The following ADGRV1 variants were observed in gnomAD, a reference collection of about 807,000 sequenced individuals.
The protein encoded by ADGRV1 is adhesion G protein-coupled receptor V1, also known as G-protein coupled receptor 98.
Under a neutral mutation model 596.2 loss-of-function variants are expected in ADGRV1, and 359 were observed. The observed-to-expected ratio is 0.60, with a 90% CI of 0.55 to 0.66. ADGRV1 has a LOEUF of 0.66. ADGRV1 is among the 30% of genes least tolerant of loss of function. The pLI is 0.00. For synonymous variants in ADGRV1, 2,681 were observed against 2,679.2 expected, an observed-to-expected ratio of 1.00 and a Z score of -0.02; for missense variants, 7,274 against 7,575.6, an observed-to-expected ratio of 0.96 and a Z score of 1.48.
intron 84 of ADGRV1, among the ~76,000 whole-genome samples, chr5:90,971,224 T>C (rs996911268): frequency 1.3e-5 from 2 of 152,314 alleles, no homozygotes; most frequent in African/African-American, 4.8e-5. Flanking sequence ...CTACGTCTGA[T>C]TGGTGTACCT....
chr5:91,024,370 T>C (rs547720981), intron 85 of ADGRV1, among the ~76,000 whole-genome samples: 10 of 152,278 alleles, frequency 6.6e-5, no homozygotes, highest in Admixed American at 2.6e-4. Flanking sequence ...AGTAGGTTAA[T>C]AAACCCTAAA....
chr5:90,712,441 T>A lies in ADGRV1; in HGVS notation c.9184+13T>A. 6.4e-7 allele frequency: 1 copy of A among 1,569,490 alleles called. No homozygotes were observed. On this transcript the variant is annotated intron_variant, in intron 42 of 89. Transcript: ENST00000405460. ...AAAAATACAATAGGTAATTAATAATTTCTTATAAACAGCTTCCTCTCCTTC... is the reference window on the plus strand; with the variant it reads ...AAAAATACAATAGGTAATTAATAATATCTTATAAACAGCTTCCTCTCCTTC...
chr5:91,050,251 G>A (rs1164736129), intron 85 of ADGRV1, among the ~76,000 whole-genome samples: 2 of 152,160 alleles, frequency 1.3e-5, no homozygotes, highest in African/African-American at 4.8e-5. Context: ...TATTAATTCA[G>A]TATATCTTTT....
At chr5:90,861,499 C>T (rs563474706) in intron 82 of ADGRV1, among the ~76,000 whole-genome samples, 25 of 151,106 alleles carry the variant, frequency 1.7e-4, no homozygotes, top group African/African-American at 5.1e-4. Flanking sequence ...TTAGTAGAGA[C>T]AGGGTTTCAC....
intron 83 of ADGRV1, among the ~76,000 whole-genome samples, chr5:90,920,673 A>G (rs1773796924): frequency 6.6e-6 from 1 of 152,196 alleles, no homozygotes; most frequent in African/African-American, 2.4e-5. Context: ...TAATTACTAC[A>G]GAATGTAAAA....
chr5:90,642,705 T>A lies in ADGRV1; in HGVS notation c.2310T>A (p.Asp770Glu), dbSNP rs1767132290. ...TSRDLIILEN[D>E]DPGGVFEFSP... The stretch of plus-strand genomic sequence containing the variant: ...GTGACCTAATTATTTTGGAAAATGA[T>A]GACCCTGGGGGAGTTTTTGAATTTT... The change falls in exon 12 of 90, where the codon GAT becomes GAA. Residue 770 changes from aspartate (D) to glutamate (E), a missense_variant. Physicochemically the swap from Asp to Glu is conservative, Grantham distance 45. Transcript: ENST00000405460. 6.2e-7 allele frequency: 1 copy of A among 1,613,646 alleles called. No individual in the cohort carries two copies. Among genetic ancestry groups the A allele is most frequent in the Non-Finnish European group, 8.5e-7 (1 of 1,179,624 alleles).
chr5:90,781,656 ATTGT>A (rs1283734973), intron 65 of ADGRV1, 78 bp downstream of exon 65: 20 of 1,413,866 alleles, frequency 1.4e-5, no homozygotes, highest in Non-Finnish European at 1.8e-5. Flanking sequence ...CCGTGTGTAA[ATTGT>A]TTTAGTTTGG....
intron 70 of ADGRV1, among the ~76,000 whole-genome samples, chr5:90,800,178 A>G (rs1761202512): frequency 6.6e-6 from 1 of 152,156 alleles, no homozygotes; most frequent in Admixed American, 6.5e-5. Flanking sequence ...CAATCTATCC[A>G]TCTGACAAAG....
At chr5:91,150,277 C>G (rs1795940096) in intron 88 of ADGRV1, 56 bp downstream of exon 88, 77 of 1,231,934 alleles carry the variant, frequency 6.3e-5, no homozygotes, top group South Asian at 1.3e-4. Context: ...CTCTCTCTCT[C>G]TCTGTCTGTC....
intron 17 of ADGRV1, among the ~76,000 whole-genome samples, chr5:90,650,761 T>C (rs963485152): frequency 6.6e-6 from 1 of 152,082 alleles, no homozygotes; most frequent in Non-Finnish European, 1.5e-5. Context: ...AATATGATCA[T>C]TGTTATGATA....
Position 90,614,858 on chromosome 5 carries a change from G to A in ADGRV1, c.46G>A (p.Val16Ile). 1 of 1,609,816 alleles carries A rather than the reference G, an allele frequency of 6.2e-7. No individual in the cohort carries two copies. Among genetic ancestry groups the A allele is most frequent in the South Asian group, 1.1e-5 (1 of 90,652 alleles). Residue 16 changes from valine to isoleucine, a missense_variant, in exon 2 of 90, where the codon GTA (valine) becomes ATA (isoleucine). Around this residue, in one of 5 missense-constraint regions of ADGRV1, gnomAD observed 1,715 missense variants for 1,708.8 expected, o/e 1.00. Coordinates refer to ENST00000405460, the MANE Select transcript of ADGRV1 (RefSeq NM_032119.4). Reference protein sequence around the residue: ...GPGMPSASLLVNLLSALLILF... With the variant: ...GPGMPSASLLINLLSALLILF... ...AGGGATGCCCTCTGCATCTTTATTAGTAAATCTTCTTTCAGCTTTACTCAT... is the reference window on the plus strand; with the variant it reads ...AGGGATGCCCTCTGCATCTTTATTAATAAATCTTCTTTCAGCTTTACTCAT...
chr5:90,966,793 G>A (rs968824239), intron 84 of ADGRV1, among the ~76,000 whole-genome samples: 6 of 152,138 alleles, frequency 3.9e-5, no homozygotes, highest in East Asian at 3.9e-4. Context: ...AAGAGAGGAG[G>A]ATGGTGCGTA....
chr5:90,755,214 T>C, intron 55 of ADGRV1, 29 bp downstream of exon 55: 1 of 1,467,428 alleles, frequency 6.8e-7, no homozygotes, highest in Non-Finnish European at 9.2e-7. Context: ...GAATGTGATC[T>C]AAAATAGAGG....
At chr5:90,793,340 A>G (rs1004181264) in intron 70 of ADGRV1, 8 of 152,230 alleles carry the variant, frequency 5.3e-5, no homozygotes, top group Admixed American at 1.3e-4. Flanking sequence ...TCATAGCATT[A>G]CATTCTGAAC....
intron 83 of ADGRV1, among the ~76,000 whole-genome samples, chr5:90,917,700 ATTGT>A: frequency 6.6e-6 from 1 of 152,134 alleles, no homozygotes; most frequent in South Asian, 2.1e-4. Context: ...CTCATTTTGT[ATTGT>A]TTATTATCCC....
intron 35 of ADGRV1, among the ~76,000 whole-genome samples, chr5:90,704,180 T>A (rs1467994344): frequency 6.6e-6 from 1 of 152,176 alleles, no homozygotes; most frequent in Non-Finnish European, 1.5e-5. Flanking sequence ...TAGCTCAGCA[T>A]TCAAGATCTT....
chr5:90,721,605 C>A, intron 45 of ADGRV1, among the ~76,000 whole-genome samples: 1 of 69,968 alleles, frequency 1.4e-5, no homozygotes, highest in South Asian at 3.7e-4. Context: ...TATTTAGTGC[C>A]TATGCCAGGC....
chr5:90,589,172 G>A (rs946056575), intron 1 of ADGRV1, among the ~76,000 whole-genome samples: 6 of 152,130 alleles, frequency 3.9e-5, no homozygotes, highest in African/African-American at 1.4e-4. Flanking sequence ...TGTTCTGCAC[G>A]CTGGACACAT....
chr5:90,744,985 G>T, intron 50 of ADGRV1, 61 bp from the exon 51 acceptor site: 1 of 1,183,136 alleles, frequency 8.5e-7, no homozygotes, highest in Non-Finnish European at 1.3e-6. Context: ...AACCGATGCA[G>T]GGAGTGTGGG....
Sources: gnomAD v4.1 joint callset for allele counts (sites outside exome capture counted in the v4.1 genomes callset) on GRCh38, gnomAD v4.1.1 for gene constraint, gnomAD v4.1.1 regional missense constraint, MANE v1.5 for transcripts, NCBI Gene and HGNC (gene_info 2026-07-23, HGNC 2026-07-21) for gene names.